NPAS2: variants seen among roughly 807,000 people sequenced by gnomAD.
NPAS2 encodes neuronal PAS domain-containing protein 2.
Under a neutral mutation model 107.5 loss-of-function variants are expected in NPAS2, and 23 were observed. The ratio of observed to expected loss-of-function variants is 0.21; its 90% confidence interval spans 0.15 to 0.30. NPAS2 has a LOEUF of 0.30. NPAS2 is among the 10% of genes least tolerant of loss of function. The pLI is 1.00. For synonymous variants in NPAS2, 403 were observed against 417.5 expected (o/e 0.97, Z 0.42); for missense variants, 756 against 1,043.3 (o/e 0.72, Z 3.79).
chr2:100,826,705 A>G (rs941534841), intron 1 of NPAS2, among the ~76,000 whole-genome samples: 11 of 130,792 alleles, frequency 8.4e-5, no homozygotes, highest in Admixed American at 4.3e-4. Context: ...TTTCTAGGTC[A>G]GGGATTATTA....
chr2:100,839,467 G>A (rs1573434343), intron 1 of NPAS2, among the ~76,000 whole-genome samples: 1 of 152,076 alleles, frequency 6.6e-6, no homozygotes, highest in African/African-American at 2.4e-5. Context: ...CTTCCATTTA[G>A]TGAAGAGTAG....
upstream of NPAS2, among the ~76,000 whole-genome samples, chr2:100,819,833 G>A (rs1196385316): frequency 2.0e-5 from 3 of 151,754 alleles, no homozygotes; most frequent in Non-Finnish European, 4.4e-5. The surrounding 1 kb of genome is among the most constrained non-coding windows in gnomAD (Gnocchi z 5.8). Flanking sequence ...CCGACCCTGC[G>A]CCCCAGGCCC....
intron 1 of NPAS2, among the ~76,000 whole-genome samples, chr2:100,885,201 C>T (rs868358012): frequency 6.6e-6 from 1 of 152,176 alleles, no homozygotes; most frequent in African/African-American, 2.4e-5. Context: ...CCGCCTGCCT[C>T]GGCCTCCCAA....
intron 1 of NPAS2, among the ~76,000 whole-genome samples, chr2:100,890,367 T>C (rs951863258): frequency 3.9e-5 from 6 of 152,062 alleles, no homozygotes; most frequent in African/African-American, 1.4e-4. Context: ...GGTGGCAAAC[T>C]TAGTAACGTT....
At chr2:100,930,159 C>T (rs939320342) in intron 3 of NPAS2, among the ~76,000 whole-genome samples, 1 of 152,202 alleles carries the variant, frequency 6.6e-6, no homozygotes, top group African/African-American at 2.4e-5. Flanking sequence ...ACACATTATC[C>T]TCTTCCTGAG....
At chr2:100,956,587 C>T (rs749667919) in intron 7 of NPAS2, among the ~76,000 whole-genome samples, 1 of 152,216 alleles carries the variant, frequency 6.6e-6, no homozygotes, top group Non-Finnish European at 1.5e-5. Flanking sequence ...CTAACGCGCT[C>T]TCTTCTTGCT....
rs111660148 is a variant in NPAS2, at chr2:100,897,510, C to G, written c.-22-7223C>G. Among the ~76,000 whole-genome samples the G allele has an allele frequency of 3.0e-3, 450 of 152,272 alleles. 1 individual carries two copies. The highest frequency in any genetic ancestry group is 0.01 in the African/African-American group (429 of 41,552). On this transcript the variant is annotated intron_variant, in intron 1 of 20. Coordinates refer to ENST00000335681, the MANE Select transcript of NPAS2 (RefSeq NM_002518.4). ...CCTCTGCCCCTGGCTCCACCTCCCCCTCACCAAAGCAATCACCGGGCTGGC... is the reference window on the plus strand; with the variant it reads ...CCTCTGCCCCTGGCTCCACCTCCCCGTCACCAAAGCAATCACCGGGCTGGC...
At position 100,965,830 on chromosome 2, in the gene NPAS2, A is replaced by T; in HGVS notation, c.907+64A>T. 1 of 1,050,102 alleles carries T rather than the reference A, an allele frequency of 9.5e-7. No individual in the cohort carries two copies. The highest frequency in any genetic ancestry group is 1.5e-6 in the Non-Finnish European group (1 of 687,308). 65.0% of individuals were successfully genotyped at this position (1,050,102 alleles called of 1,614,324 possible). On this transcript the variant is annotated intron_variant, in intron 10 of 20. Coordinates refer to ENST00000335681, the MANE Select transcript of NPAS2 (RefSeq NM_002518.4). This position sits in a 1 kb window ranked among gnomAD's most constrained non-coding sequence, Gnocchi z 4.3. ...GTTCACTCCACTGGGGCCCAGCAGC[A>T]GGGCTCTGGGACTCCAGAAGCCTCT...
intron 20 of NPAS2, chr2:100,993,874 T>C (rs1678288913): frequency 4.2e-6 from 1 of 240,444 alleles, no homozygotes; most frequent in Admixed American, 5.5e-5. Context: ...TGTTGGACTT[T>C]TCAGTGTGTT....
chr2:100,967,300 C>T (rs1457020826), intron 10 of NPAS2, among the ~76,000 whole-genome samples: 2 of 139,644 alleles, frequency 1.4e-5, no homozygotes, highest in Non-Finnish European at 3.0e-5. Flanking sequence ...AGTCTCGGCT[C>T]GCTGCAAGCT....
At chr2:100,908,876 C>G (rs180759191) in intron 2 of NPAS2, among the ~76,000 whole-genome samples, 1 of 152,156 alleles carries the variant, frequency 6.6e-6, no homozygotes, top group Admixed American at 6.5e-5. Flanking sequence ...TTCGCTGATT[C>G]TTGGGGCTCT....
At chr2:100,990,110 C>T in intron 17 of NPAS2, 146 bp from the exon 18 acceptor site, 1 of 741,342 alleles carries the variant, frequency 1.3e-6, no homozygotes, top group Non-Finnish European at 2.3e-6. Context: ...AAGACAGTCA[C>T]AGATCAAAGT....
intron 16 of NPAS2, chr2:100,985,870 A>C (rs961025151): frequency 6.6e-6 from 1 of 152,198 alleles, no homozygotes; most frequent in African/African-American, 2.4e-5. Flanking sequence ...TGGGAATTTG[A>C]GCTAAGATAG....
intron 2 of NPAS2, among the ~76,000 whole-genome samples, chr2:100,915,264 C>T (rs918115747): frequency 6.6e-5 from 10 of 152,060 alleles, no homozygotes; most frequent in African/African-American, 2.4e-4. Flanking sequence ...GCTTTCTTCC[C>T]CCTTGCTCTC....
In NPAS2 at chr2:100,897,285, C is replaced by T. The variant is rs1037439716; in HGVS notation, c.-22-7448C>T. On this transcript the variant is annotated intron_variant, in intron 1 of 20. Transcript: ENST00000335681. ...ACCATATCATAGCTGGGCGAGCCAT[C>T]GTGAAATGGGTGAAGATGCAATTTG... Among the ~76,000 whole-genome samples, 5 of 152,140 alleles carry T rather than the reference C, an allele frequency of 3.3e-5. No individual in the cohort carries two copies. The South Asian group carries it at 6.2e-4, about 19-fold the overall frequency.
chr2:100,981,451 C>A (rs1677432923), intron 15 of NPAS2, among the ~76,000 whole-genome samples: 1 of 152,148 alleles, frequency 6.6e-6, no homozygotes, highest in Non-Finnish European at 1.5e-5. Flanking sequence ...GCGGAGGAGC[C>A]TGTGTTGAGG....
At chr2:100,848,869 T>G (rs182220981) in intron 1 of NPAS2, among the ~76,000 whole-genome samples, 55 of 152,374 alleles carry the variant, frequency 3.6e-4, no homozygotes, top group African/African-American at 1.2e-3. Flanking sequence ...ATCTTGTGGT[T>G]GTTTGTCCCA....
chr2:100,985,627 C>T (rs1043087224), intron 16 of NPAS2: 4 of 152,148 alleles, frequency 2.6e-5, no homozygotes, highest in African/African-American at 4.8e-5. Context: ...CCCAAAGAGG[C>T]GAAGGAGGAA....
intron 4 of NPAS2, among the ~76,000 whole-genome samples, chr2:100,935,665 G>T (rs879355220): frequency 6.6e-6 from 1 of 152,170 alleles, no homozygotes; most frequent in Non-Finnish European, 1.5e-5. Flanking sequence ...TGTGCAAGAC[G>T]ATTTGCACTG....
Sources: gnomAD v4.1 joint callset for allele counts (sites outside exome capture counted in the v4.1 genomes callset) on GRCh38, gnomAD v4.1.1 for gene constraint, Gnocchi (gnomAD v3.1) non-coding constraint, MANE v1.5 for transcripts, NCBI Gene and HGNC (gene_info 2026-07-23, HGNC 2026-07-21) for gene names.